Variants in ITGA9 observed in about 807,000 individuals in gnomAD.
ITGA9 encodes integrin alpha-9.
Under a neutral mutation model 127.8 loss-of-function variants are expected in ITGA9, and 56 were observed. That is an observed-to-expected ratio of 0.44 (90% CI 0.35 to 0.55). ITGA9 has a LOEUF of 0.55. ITGA9 is among the 20% of genes least tolerant of loss of function. The probability of loss-of-function intolerance (pLI) is 0.00; values close to 1 mark genes in which losing one functional copy is unlikely to be tolerated. For synonymous variants in ITGA9, 508 were observed against 514.5 expected (o/e 0.99, Z 0.17); for missense variants, 1,196 against 1,347.1 (o/e 0.89, Z 1.76).
At chr3:37,710,926 T>G (rs1204888014) in intron 18 of ITGA9, among the ~76,000 whole-genome samples, 1 of 150,546 alleles carries the variant, frequency 6.6e-6, no homozygotes, top group Non-Finnish European at 1.5e-5. Flanking sequence ...ATTAGTTATC[T>G]GTTGCTGTGT....
chr3:37,565,964 C>G (rs919081835), intron 15 of ITGA9, among the ~76,000 whole-genome samples: 2 of 152,182 alleles, frequency 1.3e-5, no homozygotes, highest in African/African-American at 4.8e-5. Context: ...ATAAAGACCT[C>G]AGAAAAATCT....
At chr3:37,551,403 T>C (rs1157048940) in intron 15 of ITGA9, among the ~76,000 whole-genome samples, 1 of 152,152 alleles carries the variant, frequency 6.6e-6, no homozygotes, top group Non-Finnish European at 1.5e-5. Flanking sequence ...CTGTTTAAGC[T>C]CTGGAAGTTT....
intron 18 of ITGA9, 149 bp from the exon 19 acceptor site, chr3:37,732,563 G>A: frequency 1.4e-6 from 1 of 699,106 alleles, no homozygotes; most frequent in East Asian, 2.7e-5. Context: ...AGCTGGAAGG[G>A]GGCTGGAGAC....
chr3:37,785,424 G>C (rs1697028134), intron 26 of ITGA9, among the ~76,000 whole-genome samples: 1 of 152,168 alleles, frequency 6.6e-6, no homozygotes, highest in African/African-American at 2.4e-5. Flanking sequence ...TCCTAAGACA[G>C]ACCACATCTG....
intron 16 of ITGA9, among the ~76,000 whole-genome samples, chr3:37,640,847 G>A (rs1243584199): frequency 6.6e-6 from 1 of 152,168 alleles, no homozygotes; most frequent in Admixed American, 6.5e-5. Context: ...CGGCTGCTCT[G>A]CCTGCCTCTG....
intron 11 of ITGA9, among the ~76,000 whole-genome samples, chr3:37,522,077 G>A (rs1001948108): frequency 6.6e-6 from 1 of 151,988 alleles, no homozygotes; most frequent in Admixed American, 6.6e-5. Flanking sequence ...CCTTGCCTTC[G>A]TGACTTCTCT....
intron 15 of ITGA9, among the ~76,000 whole-genome samples, chr3:37,543,384 C>A (rs997203904): frequency 2.0e-5 from 3 of 152,194 alleles, no homozygotes; most frequent in Non-Finnish European, 4.4e-5. Flanking sequence ...GTGTATCCAG[C>A]TGGACACATA....
intron 15 of ITGA9, among the ~76,000 whole-genome samples, chr3:37,616,992 T>C (rs1254200163): frequency 6.6e-6 from 1 of 152,256 alleles, no homozygotes; most frequent in East Asian, 1.9e-4. Flanking sequence ...TGTGTGAATT[T>C]GATCCTGTCA....
chr3:37,706,184 A>C (rs1701003417), intron 18 of ITGA9, among the ~76,000 whole-genome samples: 1 of 152,160 alleles, frequency 6.6e-6, no homozygotes, highest in African/African-American at 2.4e-5. Context: ...CACATGAGTC[A>C]GCTCCAGGAG....
intron 23 of ITGA9, among the ~76,000 whole-genome samples, chr3:37,775,863 C>T (rs1014070156): frequency 5.3e-5 from 8 of 152,026 alleles, no homozygotes; most frequent in South Asian, 2.1e-4. Flanking sequence ...ATCATTCTAC[C>T]GTAAAGACAC....
chr3:37,718,014 C>T (rs1198205368), intron 18 of ITGA9, among the ~76,000 whole-genome samples: 1 of 152,196 alleles, frequency 6.6e-6, no homozygotes, highest in Non-Finnish European at 1.5e-5. Context: ...ATGCATTCAT[C>T]ATGTGAGATG....
At chr3:37,779,458 A>T (rs1696948828) in intron 24 of ITGA9, among the ~76,000 whole-genome samples, 1 of 152,172 alleles carries the variant, frequency 6.6e-6, no homozygotes. Flanking sequence ...GTGTCACATG[A>T]CTTCTTAGCC....
chr3:37,638,024 A>G (rs1232110609), intron 16 of ITGA9, among the ~76,000 whole-genome samples: 2 of 152,174 alleles, frequency 1.3e-5, no homozygotes, highest in African/African-American at 2.4e-5. Flanking sequence ...CAGCTAAAGT[A>G]TGAGAACTGA....
At chr3:37,786,008 AG>A (rs1436878708) in intron 26 of ITGA9, among the ~76,000 whole-genome samples, 1 of 115,452 alleles carries the variant, frequency 8.7e-6, no homozygotes, top group Non-Finnish European at 1.8e-5. Context: ...TTCTTGCAGG[AG>A]CAGGGGGGTT....
intron 27 of ITGA9, 41 bp downstream of exon 27, chr3:37,803,983 A>G: frequency 1.2e-6 from 2 of 1,613,664 alleles, no homozygotes; most frequent in Non-Finnish European, 1.7e-6. Flanking sequence ...GTCCCCACTC[A>G]TAGATGCCCA....
At chr3:37,464,169 T>A (rs2125549254) in intron 1 of ITGA9, among the ~76,000 whole-genome samples, 1 of 150,262 alleles carries the variant, frequency 6.7e-6, no homozygotes, top group Middle Eastern at 3.4e-3. Flanking sequence ...GTGATGGCCT[T>A]TGTGCAAGAT....
intron 15 of ITGA9, among the ~76,000 whole-genome samples, chr3:37,624,199 C>CTTTTT: frequency 1.1e-5 from 1 of 94,208 alleles, no homozygotes; most frequent in African/African-American, 4.3e-5. Flanking sequence ...GAAAAAAAAC[C>CTTTTT]CTTTTTTTTT....
At chr3:37,513,642 T>C in intron 8 of ITGA9, 121 bp from the exon 9 acceptor site, 1 of 1,018,920 alleles carries the variant, frequency 9.8e-7, no homozygotes, top group Non-Finnish European at 1.4e-6. Flanking sequence ...TGTGTCCATG[T>C]GTTCTCATTG....
intron 18 of ITGA9, among the ~76,000 whole-genome samples, chr3:37,695,991 G>C (rs1195260511): frequency 6.6e-6 from 1 of 152,156 alleles, no homozygotes; most frequent in Non-Finnish European, 1.5e-5. Context: ...GGTGCTTTTT[G>C]GTTTCCGCTT....
Sources: gnomAD v4.1 joint callset for allele counts (sites outside exome capture counted in the v4.1 genomes callset) on GRCh38, gnomAD v4.1.1 for gene constraint, MANE v1.5 for transcripts, NCBI Gene and HGNC (gene_info 2026-07-23, HGNC 2026-07-21) for gene names.